The following DIAPH2 variants were observed in gnomAD, a reference collection of about 807,000 sequenced individuals.
DIAPH2 encodes the protein protein diaphanous homolog 2.
Under a neutral mutation model 92.7 loss-of-function variants are expected in DIAPH2, and 35 were observed. The ratio of observed to expected loss-of-function variants is 0.38; its 90% CI spans 0.29 to 0.50. The LOEUF (loss-of-function observed/expected upper bound fraction) is 0.50, where lower values mean the gene tolerates loss of function less well. DIAPH2 is among the 20% of genes least tolerant of loss of function. DIAPH2 has a pLI of 0.94. For missense variants in DIAPH2, 701 were observed against 819.5 expected (o/e 0.86, Z 1.77); for synonymous variants, 301 against 280.4 (o/e 1.07, Z -0.73).
At chrX:97,363,366 C>T (rs935008933) in intron 24 of DIAPH2, among the ~76,000 whole-genome samples, 5 of 110,801 alleles carry the variant, frequency 4.5e-5, no homozygotes, top group Non-Finnish European at 7.5e-5. Flanking sequence ...CTATTAAAAA[C>T]GCCAACTAGG....
At chrX:97,500,834 C>T (rs1463728389) in intron 26 of DIAPH2, among the ~76,000 whole-genome samples, 3 of 95,970 alleles carry the variant, frequency 3.1e-5, no homozygotes, top group African/African-American at 1.1e-4. Flanking sequence ...GCTGCTGGGA[C>T]ATGTGTTCTT....
intron 4 of DIAPH2, among the ~76,000 whole-genome samples, chrX:96,823,078 G>A (rs1236431634): frequency 9.0e-6 from 1 of 111,544 alleles, no homozygotes; most frequent in Non-Finnish European, 1.9e-5. Flanking sequence ...TAGACAAAAA[G>A]GATCTAAAAT....
At chrX:96,836,645 A>G (rs1361062433) in intron 4 of DIAPH2, among the ~76,000 whole-genome samples, 1 of 89,768 alleles carries the variant, frequency 1.1e-5, no homozygotes, top group Non-Finnish European at 2.1e-5. Flanking sequence ...TCAGTTTCCA[A>G]TCTTAGGGAC....
chrX:96,926,848 A>G (rs1020293226), intron 9 of DIAPH2, among the ~76,000 whole-genome samples: 30 of 111,527 alleles, frequency 2.7e-4, no homozygotes, highest in African/African-American at 9.8e-4. Flanking sequence ...CATATGTATT[A>G]ATAATGGAGA....
At chrX:96,689,775 T>C (rs2063789707) in intron 1 of DIAPH2, among the ~76,000 whole-genome samples, 1 of 111,461 alleles carries the variant, frequency 9.0e-6, no homozygotes, top group South Asian at 3.8e-4. Flanking sequence ...GAATGTTACA[T>C]GCTGATCTTG....
chrX:96,803,866 C>T (rs748668830), intron 4 of DIAPH2, among the ~76,000 whole-genome samples: 6 of 111,106 alleles, frequency 5.4e-5, no homozygotes, highest in Middle Eastern at 9.3e-3. Context: ...GGTGAAACCC[C>T]GTCTCTACTA....
chrX:97,156,003 T>A (rs899359610), intron 22 of DIAPH2, among the ~76,000 whole-genome samples: 1 of 112,209 alleles, frequency 8.9e-6, no homozygotes, highest in Non-Finnish European at 1.9e-5. Context: ...ATGATTGGTG[T>A]TACATCTTTC....
chrX:97,360,848 A>G (rs1484760352), intron 24 of DIAPH2, among the ~76,000 whole-genome samples: 1 of 111,070 alleles, frequency 9.0e-6, no homozygotes, highest in East Asian at 2.8e-4. Flanking sequence ...TGTTTAAAAT[A>G]TAAGATTTGT....
At chrX:97,441,354 A>C (rs971778214) in intron 26 of DIAPH2, among the ~76,000 whole-genome samples, 4 of 109,620 alleles carry the variant, frequency 3.6e-5, no homozygotes, top group African/African-American at 1.3e-4. Flanking sequence ...CTAAAAAAAA[A>C]AGGAGTAGAA....
chrX:96,763,527 TAATGAA>T (rs1168170922), intron 4 of DIAPH2, among the ~76,000 whole-genome samples: 3 of 111,392 alleles, frequency 2.7e-5, no homozygotes, highest in Non-Finnish European at 3.8e-5. Flanking sequence ...GCACATAGAG[TAATGAA>T]AACAACCCTT....
intron 4 of DIAPH2, among the ~76,000 whole-genome samples, chrX:96,879,104 C>T (rs1294093051): frequency 8.9e-6 from 1 of 112,026 alleles, no homozygotes; most frequent in Non-Finnish European, 1.9e-5. Context: ...GGCAAGAATC[C>T]TGTCATAAGA....
intron 1 of DIAPH2, among the ~76,000 whole-genome samples, chrX:96,730,936 GT>G (rs959396046): frequency 9.0e-6 from 1 of 110,854 alleles, no homozygotes; most frequent in African/African-American, 3.3e-5. Context: ...ATTTGGGTAG[GT>G]AAAGGAAAAC....
chrX:97,414,644 ACT>A (rs1469118799), intron 25 of DIAPH2, among the ~76,000 whole-genome samples: 1 of 91,636 alleles, frequency 1.1e-5, no homozygotes. Flanking sequence ...ACAGAGCAAG[ACT>A]CTGTCTCAAA....
chrX:97,185,423 G>A (rs866846123), intron 22 of DIAPH2, among the ~76,000 whole-genome samples: 11 of 24,370 alleles, frequency 4.5e-4, no homozygotes, highest in Admixed American at 7.3e-4. Context: ...ATATATATAT[G>A]TATATATATA....
chrX:97,185,496 T>C (rs4997673), intron 22 of DIAPH2, among the ~76,000 whole-genome samples: 810 of 49,139 alleles, frequency 0.016, 134 homozygotes, highest in African/African-American at 0.077. Context: ...TATATATATA[T>C]ATATATATAT....
rs189812055 is a variant in DIAPH2, at chrX:97,234,279, C to T, written c.2720-13436C>T. Among the ~76,000 whole-genome samples, 678 of 100,745 alleles carry T rather than the reference C, an allele frequency of 6.7e-3. 8 individuals are homozygous for T. The highest frequency in any genetic ancestry group is 0.024 in the African/African-American group (636 of 26,688). 87.5% of individuals were successfully genotyped at this position (100,745 alleles called of 115,157 possible). A position where few individuals can be genotyped will look rare whatever the true frequency, so the allele number is the denominator to read the frequency against. Reference sequence around the variant, plus strand: ...CTGGGAGGCGGAGGTTGTGTTGAGCCGAGATCTCGCCATTGCACTCCAGCC... The same window carrying T: ...CTGGGAGGCGGAGGTTGTGTTGAGCTGAGATCTCGCCATTGCACTCCAGCC... On this transcript the variant is annotated intron_variant, in intron 22 of 26. Coordinates refer to ENST00000324765, the MANE Select transcript of DIAPH2 (RefSeq NM_006729.5).
At chrX:96,800,774 C>T (rs1246819092) in intron 4 of DIAPH2, among the ~76,000 whole-genome samples, 1 of 111,629 alleles carries the variant, frequency 9.0e-6, no homozygotes, top group African/African-American at 3.3e-5. Flanking sequence ...TGGTGCAATC[C>T]CCGATACAAT....
chrX:96,763,402 T>C (rs1478863190), intron 4 of DIAPH2, among the ~76,000 whole-genome samples: 1 of 111,575 alleles, frequency 9.0e-6, no homozygotes, highest in Non-Finnish European at 1.9e-5. Flanking sequence ...GTCTTTATGA[T>C]TCTGATGAAA....
chrX:96,687,270 AAAG>A (rs1455144092), intron 1 of DIAPH2, among the ~76,000 whole-genome samples: 1 of 111,631 alleles, frequency 9.0e-6, no homozygotes, highest in Non-Finnish European at 1.9e-5. Context: ...TAGTGGTAAA[AAAG>A]AAGTTAACTA....
Sources: allele counts gnomAD v4.1 joint callset (sites outside exome capture counted in the v4.1 genomes callset), GRCh38; gene constraint gnomAD v4.1.1; transcripts MANE v1.5; gene names NCBI Gene and HGNC (gene_info 2026-07-23, HGNC 2026-07-21).